Variants in MYOZ2 observed in about 807,000 individuals in gnomAD.
The protein encoded by MYOZ2 is myozenin 2.
MYOZ2 carries 19 observed loss-of-function variants against 25.4 expected under a neutral mutation model. That is an observed-to-expected ratio of 0.75 (90% CI 0.52 to 1.10). The LOEUF (loss-of-function observed/expected upper bound fraction) is 1.10. Among genes scored for constraint, MYOZ2 ranks in the 50% least tolerant of loss-of-function variants. The pLI is 0.00. For synonymous variants in MYOZ2, 92 were observed against 106.9 expected (o/e 0.86, Z 0.86); for missense variants, 270 against 317.9 (o/e 0.85, Z 1.15).
intron 2 of MYOZ2, among the ~76,000 whole-genome samples, chr4:119,139,628 A>G (rs1347459511): frequency 2.0e-5 from 3 of 152,218 alleles, no homozygotes; most frequent in Non-Finnish European, 4.4e-5. Context: ...TCAGAATGAA[A>G]TAAGGAGAGG....
intron 5 of MYOZ2, among the ~76,000 whole-genome samples, chr4:119,166,025 C>T (rs1741816594): frequency 6.7e-6 from 1 of 150,168 alleles, no homozygotes; most frequent in Admixed American, 6.6e-5. Context: ...ATATTACATG[C>T]TGTGTGTGTG....
chr4:119,182,627 G>C (rs1246336854), intron 5 of MYOZ2, among the ~76,000 whole-genome samples: 1 of 152,056 alleles, frequency 6.6e-6, no homozygotes, highest in Non-Finnish European at 1.5e-5. Flanking sequence ...TTCTCGTAAG[G>C]AGCCTGCAAC....
intron 2 of MYOZ2, among the ~76,000 whole-genome samples, chr4:119,149,806 C>T (rs1177007421): frequency 6.6e-6 from 1 of 152,108 alleles, no homozygotes; most frequent in Non-Finnish European, 1.5e-5. Flanking sequence ...TTAGTGGACT[C>T]CTCTAATTTT....
chr4:119,148,704 A>G (rs1307870295), intron 2 of MYOZ2, among the ~76,000 whole-genome samples: 1 of 76,972 alleles, frequency 1.3e-5, no homozygotes, highest in Non-Finnish European at 2.7e-5. Context: ...TGTTCTTTAT[A>G]TCTTTTATTT....
chr4:119,138,590 G>T (rs1483089686), intron 2 of MYOZ2, among the ~76,000 whole-genome samples: 3 of 152,092 alleles, frequency 2.0e-5, no homozygotes, highest in Non-Finnish European at 4.4e-5. Context: ...ACATGCAACT[G>T]CTTTGATCTT....
chr4:119,155,123 C>T (rs1030683978), intron 3 of MYOZ2, among the ~76,000 whole-genome samples: 2 of 151,994 alleles, frequency 1.3e-5, no homozygotes, highest in Non-Finnish European at 2.9e-5. Context: ...GGAGGAGGTG[C>T]CAAGTTCCTT....
At chr4:119,179,375 AC>A (rs1249865175) in intron 5 of MYOZ2, among the ~76,000 whole-genome samples, 1 of 152,204 alleles carries the variant, frequency 6.6e-6, no homozygotes, top group Non-Finnish European at 1.5e-5. Flanking sequence ...ATGTCATCTT[AC>A]AGAGCACTTC....
Position 119,160,541 on chromosome 4 carries a change from G to A in MYOZ2, c.376+2390G>A, listed in dbSNP as rs376006737. 3.3e-5 allele frequency among the ~76,000 whole-genome samples: 5 copies of A among 152,210 alleles called. No individual in the cohort carries two copies. The South Asian group carries it at 8.3e-4, about 25-fold the overall frequency. ...GAATATCTATATTTTCACTTTCTGT[G>A]TATATAATTCAACATCATATGTGCA... On this transcript the variant is annotated intron_variant, in intron 4 of 5. Coordinates refer to ENST00000307128, the MANE Select transcript of MYOZ2 (RefSeq NM_016599.5).
intron 5 of MYOZ2, among the ~76,000 whole-genome samples, chr4:119,165,811 G>A (rs1437023362): frequency 6.6e-6 from 1 of 152,156 alleles, no homozygotes; most frequent in Non-Finnish European, 1.5e-5. Flanking sequence ...CATGCTGTAA[G>A]ACTTCTCTGT....
At chr4:119,146,945 G>A (rs149522010) in intron 2 of MYOZ2, among the ~76,000 whole-genome samples, 3 of 152,016 alleles carry the variant, frequency 2.0e-5, no homozygotes, top group South Asian at 2.1e-4. Context: ...TTGTGGATTC[G>A]CACTTTAATC....
chr4:119,175,447 A>G (rs913595878), intron 5 of MYOZ2, among the ~76,000 whole-genome samples: 1 of 152,156 alleles, frequency 6.6e-6, no homozygotes, highest in Admixed American at 6.5e-5. Flanking sequence ...TATTGCATCT[A>G]ATGGATAACT....
intron 3 of MYOZ2, among the ~76,000 whole-genome samples, chr4:119,153,524 A>G (rs1377887007): frequency 6.6e-6 from 1 of 152,076 alleles, no homozygotes; most frequent in Non-Finnish European, 1.5e-5. Flanking sequence ...TTTATACCAC[A>G]TTAATCTGAT....
At chr4:119,167,211 C>T (rs1048492797) in intron 5 of MYOZ2, among the ~76,000 whole-genome samples, 1 of 152,178 alleles carries the variant, frequency 6.6e-6, no homozygotes, top group Non-Finnish European at 1.5e-5. Flanking sequence ...CTCCAGTGAA[C>T]ACATGAATGA....
chr4:119,139,673 T>TG (rs1015687158), intron 2 of MYOZ2, among the ~76,000 whole-genome samples: 1 of 152,108 alleles, frequency 6.6e-6, no homozygotes, highest in Non-Finnish European at 1.5e-5. Context: ...TTAGAAATGC[T>TG]GGGGGAAAGG....
chr4:119,182,574 G>A (rs552512633), intron 5 of MYOZ2, among the ~76,000 whole-genome samples: 145 of 152,280 alleles, frequency 9.5e-4, no homozygotes, highest in African/African-American at 3.1e-3. Flanking sequence ...AGATGGTTTC[G>A]GGATGAAACT....
chr4:119,182,341 G>C (rs947640465), intron 5 of MYOZ2, among the ~76,000 whole-genome samples: 3 of 152,126 alleles, frequency 2.0e-5, no homozygotes, highest in African/African-American at 7.2e-5. Context: ...TCTTACACAG[G>C]CCTTTCTAGT....
At chr4:119,145,337 GGTTTTTT>G (rs1296316430) in intron 2 of MYOZ2, among the ~76,000 whole-genome samples, 5 of 120,998 alleles carry the variant, frequency 4.1e-5, no homozygotes, top group Admixed American at 2.0e-4. Flanking sequence ...GTGCGTGTGT[GGTTTTTT>G]TTTTTTTTTT....
chr4:119,171,356 A>G, intron 5 of MYOZ2, among the ~76,000 whole-genome samples: 1 of 152,070 alleles, frequency 6.6e-6, no homozygotes, highest in East Asian at 1.9e-4. Flanking sequence ...AATAAATAGT[A>G]TTAATTAACT....
chr4:119,136,947 C>T (rs1741041392), intron 2 of MYOZ2, among the ~76,000 whole-genome samples: 1 of 151,990 alleles, frequency 6.6e-6, no homozygotes, highest in African/African-American at 2.4e-5. Flanking sequence ...TCTTTATTGT[C>T]CATCCCACAT....
Sources: gnomAD v4.1 joint callset for allele counts (sites outside exome capture counted in the v4.1 genomes callset) on GRCh38, gnomAD v4.1.1 for gene constraint, MANE v1.5 for transcripts, NCBI Gene and HGNC (gene_info 2026-07-23, HGNC 2026-07-21) for gene names.